CLINT1: variants seen among roughly 807,000 people sequenced by gnomAD.
CLINT1 encodes the protein clathrin interacting protein localized in the trans-Golgi region.
CLINT1 carries 15 observed loss-of-function variants against 70.4 expected under a neutral mutation model. The ratio of observed to expected loss-of-function variants is 0.21; its 90% CI spans 0.14 to 0.33. The LOEUF (loss-of-function observed/expected upper bound fraction) is 0.33. Among genes scored for constraint, CLINT1 ranks in the 10% least tolerant of loss-of-function variants. The probability of loss-of-function intolerance (pLI) is 1.00; values close to 1 mark genes in which losing one functional copy is unlikely to be tolerated. For missense variants in CLINT1, 615 were observed against 778.1 expected, an observed-to-expected ratio of 0.79 and a Z score of 2.49; for synonymous variants, 227 against 254.7, an observed-to-expected ratio of 0.89 and a Z score of 1.04.
intron 1 of CLINT1, among the ~76,000 whole-genome samples, chr5:157,830,385 T>C (rs998109622): frequency 6.6e-6 from 1 of 152,226 alleles, no homozygotes; most frequent in Non-Finnish European, 1.5e-5. Flanking sequence ...AGTTTTAATA[T>C]TCTTGTTAGG....
intron 1 of CLINT1, among the ~76,000 whole-genome samples, chr5:157,828,711 G>T (rs537857683): frequency 1.3e-5 from 2 of 151,914 alleles, no homozygotes; most frequent in African/African-American, 4.8e-5. Context: ...AGTATCCCTG[G>T]GCTGATTTAA....
At chr5:157,839,763 C>CTATCTATCTATCTATA (rs1310215811) in intron 1 of CLINT1, among the ~76,000 whole-genome samples, 2 of 144,382 alleles carry the variant, frequency 1.4e-5, no homozygotes, top group Admixed American at 1.4e-4. Flanking sequence ...ATCTATCTAT[C>CTATCTATCTATCTATA]TATACATATA....
chr5:157,805,625 T>G (rs962344826), intron 7 of CLINT1, among the ~76,000 whole-genome samples: 2 of 152,146 alleles, frequency 1.3e-5, no homozygotes, highest in African/African-American at 2.4e-5. Context: ...TTCACAACCT[T>G]CCCCAAACAA....
chr5:157,799,122 C>T (rs1762143606), intron 8 of CLINT1, among the ~76,000 whole-genome samples: 2 of 152,058 alleles, frequency 1.3e-5, no homozygotes, highest in South Asian at 2.1e-4. Flanking sequence ...AAGATATTCA[C>T]CAGATTAATA....
chr5:157,805,561 C>T (rs748971701), intron 7 of CLINT1, among the ~76,000 whole-genome samples: 12 of 152,238 alleles, frequency 7.9e-5, no homozygotes, highest in East Asian at 1.9e-4. Context: ...AGTGAATCTA[C>T]TTGTGGTTGG....
intron 8 of CLINT1, chr5:157,795,850 T>C (rs1581477985): frequency 6.6e-6 from 1 of 152,084 alleles, no homozygotes; most frequent in African/African-American, 2.4e-5. Context: ...GGCAATATAG[T>C]GAGACTTCGT....
intron 11 of CLINT1, among the ~76,000 whole-genome samples, chr5:157,788,968 GAAAAAA>G (rs58634730): frequency 1.0e-5 from 1 of 95,578 alleles, no homozygotes; most frequent in African/African-American, 3.5e-5. Context: ...CTCCATCTCA[GAAAAAA>G]AAAAAAAAAA....
intron 1 of CLINT1, 56 bp downstream of exon 1, chr5:157,858,874 T>TGGGGGGGGGGGGGGG: frequency 1.0e-6 from 1 of 957,434 alleles, no homozygotes; most frequent in Non-Finnish European, 1.5e-6. Context: ...CAGCTCCTTC[T>TGGGGGGGGGGGGGGG]CCCCCTCCCC....
rs1753330538 is a variant in CLINT1, at chr5:157,845,270, A to G, written c.41+13660T>C. ...AGGCTGAGGCAGGAGAATCACTTGA[A>G]CCTGGGAGGTGGAGGTTGCAGTGAG... is the stretch of plus-strand genomic sequence containing the variant. On this transcript the variant is annotated intron_variant, in intron 1 of 11. Transcript: ENST00000411809. 2.0e-5 allele frequency among the ~76,000 whole-genome samples: 3 copies of G among 151,978 alleles called. No individual in the cohort carries two copies. The South Asian group carries it at 6.2e-4, about 32-fold the overall frequency.
chr5:157,821,472 A>T (rs1762878519), intron 1 of CLINT1, among the ~76,000 whole-genome samples: 1 of 152,224 alleles, frequency 6.6e-6, no homozygotes, highest in Non-Finnish European at 1.5e-5. Flanking sequence ...CAGGAAAAAA[A>T]ATGTTGCTGT....
intron 8 of CLINT1, 91 bp from the exon 9 acceptor site, chr5:157,795,063 CTAA>C: frequency 9.9e-7 from 1 of 1,008,598 alleles, no homozygotes; most frequent in Non-Finnish European, 1.5e-6. Flanking sequence ...CAAAAAGTAC[CTAA>C]TATTAGAGGC....
chr5:157,820,845 G>C (rs1450337032), intron 1 of CLINT1, among the ~76,000 whole-genome samples: 1 of 152,048 alleles, frequency 6.6e-6, no homozygotes, highest in African/African-American at 2.4e-5. Flanking sequence ...CGCTAGAGGG[G>C]GCACTCTCAA....
Position 157,806,031 on chromosome 5 carries a change from T to C in CLINT1, c.777A>G (p.Thr259=). 1 of 1,614,018 alleles carries C rather than the reference T, an allele frequency of 6.2e-7. No homozygotes were observed. The highest frequency in any genetic ancestry group is 8.5e-7 in the Non-Finnish European group (1 of 1,179,884). Reference sequence around the variant, plus strand: ...TGGCCTGTGTGATATGAATATGCTTTGTCGTCACAGTCTCCTCTTCATCTT... The same window carrying C: ...TGGCCTGTGTGATATGAATATGCTTCGTCGTCACAGTCTCCTCTTCATCTT... ...EFKDEEETVT[T]KHIHITQATE... Residue 259 remains threonine (T), a synonymous_variant, in exon 7 of 12, where the codon ACA becomes ACG. Transcript: ENST00000411809.
At chr5:157,842,929 A>T (rs1476453697) in intron 1 of CLINT1, among the ~76,000 whole-genome samples, 4 of 152,164 alleles carry the variant, frequency 2.6e-5, no homozygotes, top group Non-Finnish European at 4.4e-5. Flanking sequence ...TTTGCTCTTT[A>T]AAGTTAATCG....
rs1219088915 is a variant in CLINT1 at position 157,816,726 on chromosome 5, G to A, written c.243+8C>T. 6.3e-7 allele frequency: 1 copy of A among 1,590,746 alleles called. No individual in the cohort carries two copies. Among genetic ancestry groups the A allele is most frequent in the Admixed American group, 1.7e-5 (1 of 58,708 alleles). On this transcript the variant is annotated splice_region_variant and intron_variant, in intron 3 of 11. Coordinates refer to ENST00000411809, the MANE Select transcript of CLINT1 (RefSeq NM_014666.4). ...TGTCAAGTAATTAAAGCAGACTTGT[G>A]TCCATACCTTATAAACTCTTCTCCA...
chr5:157,848,289 G>C (rs2419042), intron 1 of CLINT1, among the ~76,000 whole-genome samples: 67,300 of 151,024 alleles, frequency 0.45, 15,395 homozygotes, highest in Non-Finnish European at 0.49. Context: ...TAGAGATGGG[G>C]TTTCACCACA....
At chr5:157,823,991 C>T in intron 1 of CLINT1, among the ~76,000 whole-genome samples, 1 of 152,116 alleles carries the variant, frequency 6.6e-6, no homozygotes, top group East Asian at 1.9e-4. Flanking sequence ...ACAGTTTCAT[C>T]CGGAAACTAT....
chr5:157,804,541 C>T (rs1380425253), intron 7 of CLINT1, among the ~76,000 whole-genome samples: 3 of 152,130 alleles, frequency 2.0e-5, no homozygotes, highest in African/African-American at 7.2e-5. Context: ...CCTTTAAGAA[C>T]AGATCCAAAT....
intron 8 of CLINT1, among the ~76,000 whole-genome samples, chr5:157,798,823 A>C (rs1382248386): frequency 6.6e-6 from 1 of 152,116 alleles, no homozygotes; most frequent in Non-Finnish European, 1.5e-5. Flanking sequence ...GAAAAATAAA[A>C]AAACTAATGT....
Sources: gnomAD v4.1 joint callset for allele counts (sites outside exome capture counted in the v4.1 genomes callset) on GRCh38, gnomAD v4.1.1 for gene constraint, MANE v1.5 for transcripts, NCBI Gene and HGNC (gene_info 2026-07-23, HGNC 2026-07-21) for gene names.